The following TNIK variants were observed in gnomAD, a reference collection of about 807,000 sequenced individuals.
The protein encoded by TNIK is TRAF2 and NCK interacting kinase.
In TNIK, 49 loss-of-function variants were observed where a neutral mutation model predicts 191.3. The observed-to-expected ratio is 0.26, with a 90% CI of 0.20 to 0.32. TNIK has a LOEUF of 0.32. Among genes scored for constraint, TNIK ranks in the 10% least tolerant of loss-of-function variants. The pLI is 1.00. For synonymous variants in TNIK, 594 were observed against 600.9 expected (o/e 0.99, Z 0.17); for missense variants, 1,155 against 1,702.3 (o/e 0.68, Z 5.66).
intron 2 of TNIK, among the ~76,000 whole-genome samples, chr3:171,359,477 T>C (rs918025180): frequency 6.6e-6 from 1 of 152,134 alleles, no homozygotes; most frequent in African/African-American, 2.4e-5. Flanking sequence ...CTGCCTTTGT[T>C]GTAGAGAGGA....
intron 25 of TNIK, 60 bp downstream of exon 25, chr3:171,085,057 TC>T: frequency 7.4e-7 from 1 of 1,348,646 alleles, no homozygotes; most frequent in Non-Finnish European, 1.0e-6. Context: ...AATTTCCTTA[TC>T]AGGTCATACC....
At chr3:171,323,345 T>A (rs1755379473) in intron 2 of TNIK, among the ~76,000 whole-genome samples, 1 of 152,148 alleles carries the variant, frequency 6.6e-6, no homozygotes, top group Non-Finnish European at 1.5e-5. Flanking sequence ...ACCCAACACA[T>A]AGGTAACTTA....
chr3:171,177,341 C>A lies in TNIK; in HGVS notation c.679G>T (p.Ala227Ser). 2 of 1,608,108 alleles carry A rather than the reference C, an allele frequency of 1.2e-6. No individual in the cohort carries two copies. The highest frequency in any genetic ancestry group is 2.2e-5 in the South Asian group (2 of 89,346). Residue 227 changes from alanine to serine, a missense_variant, in exon 8 of 33, where the codon GCA becomes TCA. This residue lies in a region of TNIK where 225 missense variants were observed against 438.9 expected (regional missense o/e 0.51). Coordinates refer to ENST00000436636, the MANE Select transcript of TNIK (RefSeq NM_015028.4). ...GGGTACTTACGGGGAGCACCTTCTGCCATTTCAATGGCGGTGATACCCAAA... is the reference window on the plus strand; with the variant it reads ...GGGTACTTACGGGGAGCACCTTCTGACATTTCAATGGCGGTGATACCCAAA... ...WSLGITAIEM[A>S]EGAPPLCDMH... is the part of the protein sequence containing the mutation.
chr3:171,440,317 C>T (rs78255143), intron 1 of TNIK, among the ~76,000 whole-genome samples: 7 of 152,262 alleles, frequency 4.6e-5, no homozygotes, highest in African/African-American at 7.2e-5. Context: ...TTTTTCTACT[C>T]TATTCTAATT....
At chr3:171,381,610 T>C (rs1300245032) in intron 1 of TNIK, among the ~76,000 whole-genome samples, 1 of 152,216 alleles carries the variant, frequency 6.6e-6, no homozygotes, top group Non-Finnish European at 1.5e-5. Flanking sequence ...CCCTTGCTCC[T>C]TAACAAAAAT....
At chr3:171,347,356 G>T (rs1314760400) in intron 2 of TNIK, 3 of 813,014 alleles carry the variant, frequency 3.7e-6, no homozygotes, top group African/African-American at 1.7e-5. Context: ...AGTCCTAAGT[G>T]CCTGCAGAGC....
intron 2 of TNIK, among the ~76,000 whole-genome samples, chr3:171,304,555 G>A (rs978818002): frequency 1.3e-5 from 2 of 152,138 alleles, no homozygotes; most frequent in African/African-American, 4.8e-5. Flanking sequence ...AAAGACACAT[G>A]CATACGTATG....
At chr3:171,120,252 T>A (rs867035012) in intron 18 of TNIK, among the ~76,000 whole-genome samples, 2 of 152,008 alleles carry the variant, frequency 1.3e-5, no homozygotes, top group Non-Finnish European at 2.9e-5. Context: ...TCATTACTAC[T>A]AAGTGCAGGA....
chr3:171,446,441 A>T (rs1224194575), intron 1 of TNIK, among the ~76,000 whole-genome samples: 1 of 152,330 alleles, frequency 6.6e-6, no homozygotes, highest in East Asian at 1.9e-4. Flanking sequence ...CCCTAGACAT[A>T]AATAATTTAT....
intron 12 of TNIK, among the ~76,000 whole-genome samples, chr3:171,154,734 C>T (rs1165683170): frequency 6.6e-6 from 1 of 152,160 alleles, no homozygotes; most frequent in African/African-American, 2.4e-5. Context: ...AGAAGAGGTC[C>T]TCCTTGTACT....
At chr3:171,426,446 C>T (rs961866103) in intron 1 of TNIK, among the ~76,000 whole-genome samples, 82 of 150,408 alleles carry the variant, frequency 5.5e-4, no homozygotes, top group African/African-American at 1.9e-3. Flanking sequence ...AGGAGATATA[C>T]CTAATGTAAA....
intron 1 of TNIK, among the ~76,000 whole-genome samples, chr3:171,385,664 T>C (rs1718630260): frequency 6.6e-6 from 1 of 152,132 alleles, no homozygotes. Flanking sequence ...CAGACAGAGA[T>C]ATCAGTAGAG....
At chr3:171,407,883 GC>G (rs1446108363) in intron 1 of TNIK, among the ~76,000 whole-genome samples, 1 of 152,166 alleles carries the variant, frequency 6.6e-6, no homozygotes, top group Non-Finnish European at 1.5e-5. Context: ...ACATTCAGGT[GC>G]CTCGTGGCTG....
chr3:171,197,501 A>G (rs1419298828), intron 4 of TNIK, among the ~76,000 whole-genome samples: 1 of 152,228 alleles, frequency 6.6e-6, no homozygotes, highest in Non-Finnish European at 1.5e-5. Flanking sequence ...TGCAAATCAT[A>G]TATCTGATAA....
chr3:171,293,901 A>C (rs1396929627), intron 2 of TNIK, among the ~76,000 whole-genome samples: 1 of 152,094 alleles, frequency 6.6e-6, no homozygotes, highest in Non-Finnish European at 1.5e-5. Flanking sequence ...GCAACACAGC[A>C]AGAGCTCATC....
intron 2 of TNIK, among the ~76,000 whole-genome samples, chr3:171,341,493 AAAAAAAAAAAAAAAAAAAAAAAAAAAG>A: frequency 7.5e-6 from 1 of 133,978 alleles, no homozygotes; most frequent in African/African-American, 2.8e-5. Flanking sequence ...AAAAAAAAAA[AAAAAAAAAAAAAAAAAAAAAAAAAAAG>A]CCATATATTT....
intron 2 of TNIK, among the ~76,000 whole-genome samples, chr3:171,241,035 C>T (rs913430698): frequency 4.2e-5 from 6 of 142,614 alleles, no homozygotes; most frequent in African/African-American, 1.5e-4. Context: ...TTTTTCTTTT[C>T]TTTTTTTTTT....
intron 2 of TNIK, among the ~76,000 whole-genome samples, chr3:171,273,495 C>T (rs2109204890): frequency 1.3e-5 from 2 of 152,312 alleles, no homozygotes; most frequent in Middle Eastern, 3.4e-3. Flanking sequence ...TTCAATGCAT[C>T]TTTTCATATT....
rs970499891 is a variant in TNIK at position 171,060,660 on chromosome 3, G to T, written c.*3221C>A. On this transcript the variant is annotated 3_prime_UTR_variant, in exon 33 of 33. Transcript: ENST00000436636. The stretch of plus-strand genomic sequence containing the variant: ...AGTGAAGGCTGTCTTCATTTGCATT[G>T]TGTGTTATGACAGTGGTCTGGCTGG... Among the ~76,000 whole-genome samples, 2 of 152,188 alleles carry T rather than the reference G, an allele frequency of 1.3e-5. No individual in the cohort carries two copies. The highest frequency in any genetic ancestry group is 2.4e-5 in the African/African-American group (1 of 41,438).
Sources: allele counts gnomAD v4.1 joint callset (sites outside exome capture counted in the v4.1 genomes callset), GRCh38; gene constraint gnomAD v4.1.1; regional missense constraint gnomAD v4.1.1; transcripts MANE v1.5; gene names NCBI Gene and HGNC (gene_info 2026-07-23, HGNC 2026-07-21).